ATAD3C: variants seen among roughly 807,000 people sequenced by gnomAD.
ATAD3C encodes the protein ATPase family AAA domain-containing protein 3C.
In ATAD3C, 38 loss-of-function variants were observed where a neutral mutation model predicts 46.3. The observed-to-expected ratio is 0.82, with a 90% confidence interval of 0.63 to 1.08. ATAD3C has a LOEUF of 1.08. Ranked by LOEUF, ATAD3C falls within the 50% of genes least tolerant of loss-of-function variation. The probability of loss-of-function intolerance (pLI) is 0.00; values close to 1 mark genes in which losing one functional copy is unlikely to be tolerated. For synonymous variants in ATAD3C, 220 were observed against 236.4 expected, an observed-to-expected ratio of 0.93 and a Z score of 0.63; for missense variants, 563 against 572.7, an observed-to-expected ratio of 0.98 and a Z score of 0.17.
chr1:1,469,964 G>T lies in ATAD3C; in HGVS notation c.*1434G>T, dbSNP rs1440384723. ...TTGCAATCTCCCCCACCCTTAAGAA[G>T]GTTCTTTGTCATTCTCCCCACCCTT... On this transcript the variant is annotated 3_prime_UTR_variant, in exon 12 of 12. Coordinates refer to ENST00000378785, the MANE Select transcript of ATAD3C (RefSeq NM_001039211.3). The T allele has an allele frequency of 2.6e-5, 4 of 151,692 alleles. No individual in the cohort carries two copies. Among genetic ancestry groups the T allele is most frequent in the Admixed American group, 1.3e-4 (2 of 15,182 alleles). The allele number at this position is 151,692 out of a possible 1,614,324, so 9.4% of individuals were successfully genotyped here.
intron 5 of ATAD3C, 67 bp from the exon 6 acceptor site, chr1:1,455,724 C>A: frequency 6.3e-7 from 1 of 1,599,948 alleles, no homozygotes; most frequent in South Asian, 1.1e-5. Flanking sequence ...GGCATTCTCG[C>A]AGCCCCTGCC....
At position 1,450,695 on chromosome 1, in the gene ATAD3C, C is replaced by G. The variant is rs780611504; in HGVS notation, c.12C>G (p.Asp4Glu). Residue 4 changes from aspartate to glutamate, a missense_variant, in exon 1 of 12, where the codon GAC becomes GAG. Asp to Glu is a conservative substitution (Grantham distance 45, BLOSUM62 2). This residue lies in a region of ATAD3C where 263 missense variants were observed against 243.1 expected (regional missense o/e 1.08). Coordinates refer to ENST00000378785, the MANE Select transcript of ATAD3C (RefSeq NM_001039211.3). ...TGCATCTGCAGGCCATGTCAAAGGA[C>G]GCCCTGAATCTGGCGCAGATGCAGG... The part of the protein sequence containing the change: MSK[D>E]ALNLAQMQEQ... The G allele has an allele frequency of 3.1e-6, 5 of 1,612,878 alleles. No homozygotes were observed. Among genetic ancestry groups the G allele is most frequent in the Non-Finnish European group, 4.2e-6 (5 of 1,179,368 alleles).
rs1182169183 is a variant in ATAD3C at position 1,450,587 on chromosome 1, C to T, written c.-97C>T. ...GGGGGCTTTGAGGTCGAGGCGTGGC[C>T]GTGGATTCCAGAAAGCCCCTTGGCT... is the stretch of plus-strand genomic sequence containing the variant. On this transcript the variant is annotated 5_prime_UTR_variant, in exon 1 of 12. Transcript: ENST00000378785. 7.5e-6 allele frequency: 11 copies of T among 1,475,186 alleles called. No individual in the cohort carries two copies. The highest frequency in any genetic ancestry group is 1.2e-5 in the South Asian group (1 of 81,958). 91.4% of individuals were successfully genotyped at this position (1,475,186 alleles called of 1,614,324 possible).
At chr1:1,455,087 G>A (rs1638930697) in intron 4 of ATAD3C, among the ~76,000 whole-genome samples, 1 of 151,342 alleles carries the variant, frequency 6.6e-6, no homozygotes, top group East Asian at 1.9e-4. Context: ...CGTGGTGGCG[G>A]GCGCCTGTAG....
Position 1,454,537 on chromosome 1 carries a change from G to T in ATAD3C, c.378+37G>T, listed in dbSNP as rs377148167. On this transcript the variant is annotated intron_variant, in intron 4 of 11. Transcript: ENST00000378785. ...GGCCTGGCCCTCCCTGAGTGCAAGT[G>T]CCTGGCTGAGTCCCTTCTGCCCCAC... is the stretch of plus-strand genomic sequence containing the variant. 1,615 of 1,581,526 alleles carry T rather than the reference G, an allele frequency of 1.0e-3. 58 individuals carry two copies. In the African/African-American group the frequency reaches 0.014, roughly 14 times the overall value.
In ATAD3C at chr1:1,469,588, C is replaced by G. The variant is rs1391829293; in HGVS notation, c.*1058C>G. 6.6e-6 allele frequency: 1 copy of G among 151,494 alleles called. No individual in the cohort carries two copies. Among genetic ancestry groups the G allele is most frequent in the Non-Finnish European group, 1.5e-5 (1 of 67,978 alleles). 9.4% of individuals were successfully genotyped at this position (151,494 alleles called of 1,614,324 possible). ...AGACAGGGTCCCTTTGTTGCCCAGG[C>G]TGGTCTCCAACTCCTGGGCTCAAGC... On this transcript the variant is annotated 3_prime_UTR_variant, in exon 12 of 12. Coordinates refer to ENST00000378785, the MANE Select transcript of ATAD3C (RefSeq NM_001039211.3).
intron 4 of ATAD3C, among the ~76,000 whole-genome samples, chr1:1,455,253 AAG>A (rs1638935823): frequency 6.6e-6 from 1 of 150,740 alleles, no homozygotes; most frequent in Non-Finnish European, 1.5e-5. Flanking sequence ...ACCCAGAAAA[AAG>A]AGAAGCCGAT....
chr1:1,452,661 C>T (rs1024236816), intron 3 of ATAD3C, among the ~76,000 whole-genome samples: 5 of 151,846 alleles, frequency 3.3e-5, no homozygotes, highest in Admixed American at 2.0e-4. Context: ...GCCATCTCTA[C>T]ACATGGCACG....
chr1:1,457,827 G>A (rs11485867), intron 8 of ATAD3C, among the ~76,000 whole-genome samples: 2,131 of 149,932 alleles, frequency 0.014, 58 homozygotes, highest in African/African-American at 0.049. Context: ...ATAGGCATCC[G>A]CCACCACACC....
In ATAD3C at chr1:1,462,481, G is replaced by A. The variant is rs1570156605; in HGVS notation, c.981-119G>A. The A allele has an allele frequency of 9.4e-7, 1 of 1,063,682 alleles. No individual in the cohort carries two copies. The highest frequency in any genetic ancestry group is 2.7e-5 in the East Asian group (1 of 36,926). 65.9% of individuals were successfully genotyped at this position (1,063,682 alleles called of 1,614,324 possible). A position where few individuals can be genotyped will look rare whatever the true frequency, so the allele number is the denominator to read the frequency against. On this transcript the variant is annotated intron_variant, in intron 10 of 11. Coordinates refer to ENST00000378785, the MANE Select transcript of ATAD3C (RefSeq NM_001039211.3). The surrounding 1 kb of genome is among the most constrained non-coding windows in gnomAD (Gnocchi z 4.5). ...GCGGAACTTGGCTGTCACAGGTAGA[G>A]AGTCCCTCTCAAGGGGGCATCTGGC...
At chr1:1,457,672 TTTTTGTTTTG>T (rs1055060239) in intron 8 of ATAD3C, among the ~76,000 whole-genome samples, 12 of 151,488 alleles carry the variant, frequency 7.9e-5, no homozygotes, top group African/African-American at 2.7e-4. Context: ...TTTTGAGTGT[TTTTTGTTTTG>T]TTTTGTTTTG....
intron 5 of ATAD3C, 27 bp from the exon 6 acceptor site, chr1:1,455,764 C>G: frequency 6.2e-7 from 1 of 1,612,430 alleles, no homozygotes; most frequent in Non-Finnish European, 8.5e-7. Context: ...CAGACTGTGT[C>G]CTCCAAGCCC....
chr1:1,460,714 A>G, intron 9 of ATAD3C, 36 bp from the exon 10 acceptor site: 1 of 1,564,494 alleles, frequency 6.4e-7, no homozygotes, highest in South Asian at 1.2e-5. Context: ...CTCGGCCGGC[A>G]GCCCCAGCGT....
intron 11 of ATAD3C, among the ~76,000 whole-genome samples, chr1:1,464,660 A>G (rs1382248364): frequency 6.6e-6 from 1 of 151,524 alleles, no homozygotes; most frequent in Non-Finnish European, 1.5e-5. Context: ...AATCCCAGCT[A>G]CTCAGGAGGC....
chr1:1,452,985 A>G (rs894402729), intron 3 of ATAD3C, among the ~76,000 whole-genome samples: 1 of 151,794 alleles, frequency 6.6e-6, no homozygotes. Flanking sequence ...CACGTCGCAC[A>G]TGGCTGTGTC....
At chr1:1,452,910 G>A (rs1211418892) in intron 3 of ATAD3C, among the ~76,000 whole-genome samples, 2 of 151,956 alleles carry the variant, frequency 1.3e-5, no homozygotes, top group African/African-American at 4.8e-5. Flanking sequence ...GAAGTTCACA[G>A]ATTCCTCTCT....
At position 1,452,373 on chromosome 1, in the gene ATAD3C, G is replaced by C. The variant is rs1458050044; in HGVS notation, c.161G>C (p.Gly54Ala). 6 of 1,613,822 alleles carry C rather than the reference G, an allele frequency of 3.7e-6. No individual in the cohort carries two copies. The highest frequency in any genetic ancestry group is 5.1e-6 in the Non-Finnish European group (6 of 1,179,772). ...QTFLESIRAA[G>A]TLFGEGFRAF... ...CACTGCTTTCCCCACAGGGCGGCTG[G>C]CACCTTGTTTGGGGAAGGATTCCGT... is the stretch of plus-strand genomic sequence containing the variant. The change falls in exon 3 of 12, where the codon GGC (glycine) becomes GCC (alanine). Residue 54 changes from glycine to alanine, a missense_variant. Gly to Ala is a moderately conservative substitution (Grantham distance 60). Transcript: ENST00000378785.
chr1:1,452,067 C>A lies in ATAD3C; in HGVS notation c.97C>A (p.Arg33=). 2 of 1,613,648 alleles carry A rather than the reference C, an allele frequency of 1.2e-6. No individual in the cohort carries two copies. Among genetic ancestry groups the A allele is most frequent in the South Asian group, 2.2e-5 (2 of 91,020 alleles). Residue 33 remains arginine (R), a synonymous_variant, in exon 2 of 12, where the codon CGG becomes AGG. Transcript: ENST00000378785. ...TCAGCAACTTGTCAATGAGGATTTA[C>A]GGAAGCAGGAGGAGTCCGTGCAGAA... is the stretch of plus-strand genomic sequence containing the variant. ...KLKQLVNEDL[R]KQEESVQKHH...
intron 11 of ATAD3C, among the ~76,000 whole-genome samples, chr1:1,467,119 G>GT (rs916389886): frequency 1.6e-4 from 25 of 152,160 alleles, no homozygotes; most frequent in African/African-American, 5.5e-4. Flanking sequence ...CCGCGACCAG[G>GT]TTTTGCCCCA....
Sources: gnomAD v4.1 joint callset for allele counts (sites outside exome capture counted in the v4.1 genomes callset) on GRCh38, gnomAD v4.1.1 for gene constraint, gnomAD v4.1.1 regional missense constraint, Gnocchi (gnomAD v3.1) non-coding constraint, MANE v1.5 for transcripts, NCBI Gene and HGNC (gene_info 2026-07-23, HGNC 2026-07-21) for gene names.